GORASP1: variants seen among roughly 807,000 people sequenced by gnomAD.
The protein encoded by GORASP1 is golgi reassembly stacking protein 1.
In GORASP1, 31 loss-of-function variants were observed where a neutral mutation model predicts 37.7. The observed-to-expected ratio is 0.82, with a 90% CI of 0.62 to 1.11. GORASP1 has a LOEUF of 1.11. Ranked by LOEUF, GORASP1 falls within the 50% of genes least tolerant of loss-of-function variation. The pLI is 0.00. For missense variants in GORASP1, 476 were observed against 560.7 expected, an observed-to-expected ratio of 0.85 and a Z score of 1.53; for synonymous variants, 204 against 224.8, an observed-to-expected ratio of 0.91 and a Z score of 0.83.
chr3:39,097,661 A>G lies in GORASP1; in HGVS notation c.*575T>C, dbSNP rs1161940896. On this transcript the variant is annotated 3_prime_UTR_variant, in exon 9 of 9. Coordinates refer to ENST00000319283, the MANE Select transcript of GORASP1 (RefSeq NM_031899.4). ...GCATGTAGTCCCTGAGGAAGAAGAA[A>G]TATTGTGGTCTGGGCACAAATGGGT... 1.3e-5 allele frequency: 2 copies of G among 152,534 alleles called. No homozygotes were observed. The highest frequency in any genetic ancestry group is 2.9e-5 in the Non-Finnish European group (2 of 68,352). The allele number at this position is 152,534 out of a possible 1,614,324, so 9.4% of individuals were successfully genotyped here.
intron 7 of GORASP1, 195 bp from the exon 8 acceptor site, chr3:39,099,088 G>A: frequency 1.2e-6 from 1 of 819,764 alleles, no homozygotes; most frequent in Non-Finnish European, 2.0e-6. Context: ...GGGGCCTGGA[G>A]TTGGTCATCA....
intron 1 of GORASP1, 81 bp downstream of exon 1, chr3:39,107,398 C>T: frequency 1.0e-6 from 1 of 965,726 alleles, no homozygotes; most frequent in Non-Finnish European, 1.4e-6. Flanking sequence ...GCCGCAGTCG[C>T]CAGCCAGCCG....
Position 39,100,754 on chromosome 3 carries a change from C to A in GORASP1, c.559G>T (p.Glu187Ter). ...TVTPNAAWGG[E>*]GSLGCGIGYG... ...TCCAACCCCACGAAGTACCTGCCCTCTCCACCCCAGGCTGCGTTGGGAGTT... is the reference window on the plus strand; with the variant it reads ...TCCAACCCCACGAAGTACCTGCCCTATCCACCCCAGGCTGCGTTGGGAGTT... Residue 187 changes from glutamate to a stop codon, truncating the protein, a stop_gained, in exon 5 of 9, where the codon GAG (glutamate) becomes TAG (stop). Transcript: ENST00000319283. LOFTEE classifies it high-confidence loss of function. This position sits in a 1 kb window ranked among gnomAD's most constrained non-coding sequence, Gnocchi z 4.6. The A allele has an allele frequency of 6.2e-7, 1 of 1,613,822 alleles. No homozygotes were observed. The highest frequency in any genetic ancestry group is 8.5e-7 in the Non-Finnish European group (1 of 1,179,988).
At chr3:39,099,138 G>A in intron 7 of GORASP1, 2 of 781,096 alleles carry the variant, frequency 2.6e-6, no homozygotes, top group Non-Finnish European at 4.4e-6. Flanking sequence ...ACTCTGCTCT[G>A]TGTCCAATTT....
intron 1 of GORASP1, chr3:39,107,138 C>T (rs1202194815): frequency 1.4e-5 from 7 of 517,292 alleles, no homozygotes; most frequent in Non-Finnish European, 2.2e-5. Flanking sequence ...TAAATGTGTG[C>T]TAAGTGCACG....
chr3:39,097,186 G>C lies in GORASP1; in HGVS notation c.*1050C>G, dbSNP rs906733096. 1.3e-5 allele frequency: 2 copies of C among 152,232 alleles called. No individual in the cohort carries two copies. The highest frequency in any genetic ancestry group is 2.1e-4 in the South Asian group (1 of 4,834). 9.4% of individuals were successfully genotyped at this position (152,232 alleles called of 1,614,324 possible). A position where few individuals can be genotyped will look rare whatever the true frequency, so the allele number is the denominator to read the frequency against. ...CCAGCATTACAAATGATCCTGTAAA[G>C]GTGAGACTTTCAACTAGGCACAAGC... On this transcript the variant is annotated 3_prime_UTR_variant, in exon 9 of 9. Coordinates refer to ENST00000319283, the MANE Select transcript of GORASP1 (RefSeq NM_031899.4).
rs780130567 is a variant in GORASP1 at position 39,102,885 on chromosome 3, TG to T, written c.145-5del. 6.8e-6 allele frequency: 11 copies of T among 1,613,832 alleles called. No homozygotes were observed. Among genetic ancestry groups the T allele is most frequent in the Non-Finnish European group, 9.3e-6 (11 of 1,179,846 alleles). ...TCAGGGTGTCATTCTCCTTGTTCTG[TG>T]GGGGCAATGGGGCTGACTCCAAGGC... On this transcript the variant is annotated splice_region_variant and splice_polypyrimidine_tract_variant and intron_variant, in intron 2 of 8. Transcript: ENST00000319283. The surrounding 1 kb of genome is among the most constrained non-coding windows in gnomAD (Gnocchi z 5.0).
chr3:39,098,182 C>T lies in GORASP1; in HGVS notation c.*54G>A. ...CGCATAGTGCAGCCCGGGCTGCCTG[C>T]CCACATCTGGGCCTCATGAAATGTC... On this transcript the variant is annotated 3_prime_UTR_variant, in exon 9 of 9. Transcript: ENST00000319283. This position sits in a 1 kb window ranked among gnomAD's most constrained non-coding sequence, Gnocchi z 4.7. The T allele has an allele frequency of 6.3e-7, 1 of 1,583,576 alleles. No individual in the cohort carries two copies. The highest frequency in any genetic ancestry group is 8.6e-7 in the Non-Finnish European group (1 of 1,163,808).
In GORASP1 at chr3:39,098,993, G is replaced by C; in HGVS notation, c.917-100C>G. The C allele has an allele frequency of 1.4e-6, 2 of 1,454,644 alleles. No homozygotes were observed. Among genetic ancestry groups the C allele is most frequent in the Non-Finnish European group, 1.9e-6 (2 of 1,055,370 alleles). 90.1% of individuals were successfully genotyped at this position (1,454,644 alleles called of 1,614,324 possible). ...GCCTAGGGCATCTGGCCCAGCCTGT[G>C]AGACTGTAATCTCCTCAGCCCCTGG... On this transcript the variant is annotated intron_variant, in intron 7 of 8. Coordinates refer to ENST00000319283, the MANE Select transcript of GORASP1 (RefSeq NM_031899.4). The surrounding 1 kb of genome is among the most constrained non-coding windows in gnomAD (Gnocchi z 4.7).
Position 39,100,817 on chromosome 3 carries a change from A to G in GORASP1, c.496T>C (p.Tyr166His). Residue 166 changes from tyrosine to histidine, a missense_variant, in exon 5 of 9, where the codon TAT becomes CAT. Physicochemically the swap from Tyr to His is moderately conservative, Grantham distance 83. Coordinates refer to ENST00000319283, the MANE Select transcript of GORASP1 (RefSeq NM_031899.4). The surrounding 1 kb of genome is among the most constrained non-coding windows in gnomAD (Gnocchi z 4.6). ...CGGCAGGAGTCTGACTTGGAGTTAT[A>G]CACCATCAGCTTCAAGGGCTTCCCC... ...HEGKPLKLMV[Y>H]NSKSDSCREV... is the part of the protein sequence containing the mutation. 1 of 1,614,136 alleles carries G rather than the reference A, an allele frequency of 6.2e-7. No individual in the cohort carries two copies. The highest frequency in any genetic ancestry group is 8.5e-7 in the Non-Finnish European group (1 of 1,179,994).
Position 39,107,339 on chromosome 3 carries a change from C to A in GORASP1, c.63+140G>T, listed in dbSNP as rs894018586. ...CCTCTCCCAGGAGGCTCCCACCGGG[C>A]AGGGGGCACCTCCCGCCACCCAGGC... On this transcript the variant is annotated intron_variant, in intron 1 of 8. Transcript: ENST00000319283. The A allele has an allele frequency of 9.9e-6, 5 of 505,616 alleles. No homozygotes were observed. The African/African-American group carries it at 1.0e-4, about 10-fold the overall frequency. 31.3% of individuals were successfully genotyped at this position (505,616 alleles called of 1,614,324 possible).
rs1673803751 is a variant in GORASP1, at chr3:39,101,065, A to C, written c.386T>G (p.Leu129Arg). The C allele has an allele frequency of 6.2e-7, 1 of 1,614,030 alleles. No individual in the cohort carries two copies. Among genetic ancestry groups the C allele is most frequent in the South Asian group, 1.1e-5 (1 of 91,094 alleles). The change falls in exon 4 of 9, where the codon CTG becomes CGG. Residue 129 changes from leucine (L) to arginine (R), a missense_variant. Coordinates refer to ENST00000319283, the MANE Select transcript of GORASP1 (RefSeq NM_031899.4). ...EPSSPAALAG[L>R]RPYTDYVVGS... ...AACCACATAGTCTGTGTAGGGGCGC[A>C]GGCCGGCAAGGGCAGCAGGTGAAGA...
chr3:39,103,649 G>T lies in GORASP1; in HGVS notation c.64-96C>A. ...CAGGAACCATCAGCACTCCCAGTGT[G>T]CCAGCCAGAACACATGTCTGGCATG... On this transcript the variant is annotated intron_variant, in intron 1 of 8. Transcript: ENST00000319283. The surrounding 1 kb of genome is among the most constrained non-coding windows in gnomAD (Gnocchi z 5.2). 4.6e-6 allele frequency: 4 copies of T among 872,212 alleles called. No homozygotes were observed. Among genetic ancestry groups the T allele is most frequent in the Non-Finnish European group, 7.2e-6 (4 of 559,058 alleles). The allele number at this position is 872,212 out of a possible 1,614,324, so 54.0% of individuals were successfully genotyped here. A position where few individuals can be genotyped will look rare whatever the true frequency, so the allele number is the denominator to read the frequency against.
Position 39,105,194 on chromosome 3 carries a change from CT to C in GORASP1, c.64-1642del, listed in dbSNP as rs757619791. ...GGGGCCTCATCACTACTCACTATGG[CT>C]CCGCAGCTGAAATAATCTATGCTGC... On this transcript the variant is annotated intron_variant, in intron 1 of 8. Transcript: ENST00000319283. The surrounding 1 kb of genome is among the most constrained non-coding windows in gnomAD (Gnocchi z 5.4). Among the ~76,000 whole-genome samples, 12 of 152,014 alleles carry C rather than the reference CT, an allele frequency of 7.9e-5. No homozygotes were observed. The highest frequency in any genetic ancestry group is 3.9e-4 in the Admixed American group (6 of 15,272).
At chr3:39,107,095 C>T (rs1205180682) in intron 1 of GORASP1, 2 of 474,156 alleles carry the variant, frequency 4.2e-6, no homozygotes, top group African/African-American at 3.9e-5. Context: ...CTTCCCAGGC[C>T]CAGCACGGAG....
Position 39,105,553 on chromosome 3 carries a change from A to C in GORASP1, c.63+1926T>G, listed in dbSNP as rs910858503. On this transcript the variant is annotated intron_variant, in intron 1 of 8. Coordinates refer to ENST00000319283, the MANE Select transcript of GORASP1 (RefSeq NM_031899.4). The surrounding 1 kb of genome is among the most constrained non-coding windows in gnomAD (Gnocchi z 5.4). Reference sequence around the variant, plus strand: ...CCAACCCAGAGCCCTCCCCCTAACCACTGCCCTCTCCTAACAGCTGTTTCC... The same window carrying C: ...CCAACCCAGAGCCCTCCCCCTAACCCCTGCCCTCTCCTAACAGCTGTTTCC... 1.3e-5 allele frequency among the ~76,000 whole-genome samples: 2 copies of C among 151,980 alleles called. No individual in the cohort carries two copies. The highest frequency in any genetic ancestry group is 4.2e-4 in the South Asian group (2 of 4,814).
rs1302743319 is a variant in GORASP1 at position 39,099,426 on chromosome 3, G to A, written c.843C>T (p.Asp281=). Residue 281 remains aspartate (D), a synonymous_variant, in exon 7 of 9, where the codon GAC becomes GAT. Transcript: ENST00000319283. ...CCATGAAATGGGGAAGTCCATCAGG[G>A]TCTGGAGCACTGTGGCTGGGACTCC... ...GPGSPSHSAP[D]PDGLPHFMET... 1.9e-6 allele frequency: 3 copies of A among 1,612,854 alleles called. No individual in the cohort carries two copies. The Admixed American group carries it at 5.0e-5, about 27-fold the overall frequency.
chr3:39,099,301 A>G (rs577760209), intron 7 of GORASP1, 52 bp downstream of exon 7: 24 of 1,610,240 alleles, frequency 1.5e-5, no homozygotes, highest in Non-Finnish European at 1.8e-5. Context: ...CATAGCTGCC[A>G]AAGTCCAGCC....
Position 39,107,621 on chromosome 3 carries a change from C to A in GORASP1, c.-80G>T. 1 of 1,366,280 alleles carries A rather than the reference C, an allele frequency of 7.3e-7. No individual in the cohort carries two copies. The highest frequency in any genetic ancestry group is 1.3e-5 in the South Asian group (1 of 76,678). 84.6% of individuals were successfully genotyped at this position (1,366,280 alleles called of 1,614,324 possible). A position where few individuals can be genotyped will look rare whatever the true frequency, so the allele number is the denominator to read the frequency against. ...ACCCGACGCCAGTAGCACCGACTCG[C>A]TCTCTCGGCGCTCGATTCCTGCGCC... On this transcript the variant is annotated 5_prime_UTR_variant, in exon 1 of 9. Transcript: ENST00000319283.
Sources: allele counts gnomAD v4.1 joint callset (sites outside exome capture counted in the v4.1 genomes callset), GRCh38; gene constraint gnomAD v4.1.1; non-coding constraint Gnocchi (gnomAD v3.1); transcripts MANE v1.5; gene names NCBI Gene and HGNC (gene_info 2026-07-23, HGNC 2026-07-21).